NOL11: variants seen among roughly 807,000 people sequenced by gnomAD.
NOL11 encodes nucleolar protein 11.
NOL11 carries 42 observed loss-of-function variants against 93.0 expected under a neutral mutation model. The observed-to-expected ratio is 0.45, with a 90% confidence interval of 0.35 to 0.58. The LOEUF (loss-of-function observed/expected upper bound fraction) is 0.58, where lower values mean the gene tolerates loss of function less well. NOL11 is among the 20% of genes least tolerant of loss of function. The probability of loss-of-function intolerance (pLI) is 0.00; values close to 1 mark genes in which losing one functional copy is unlikely to be tolerated. For synonymous variants in NOL11, 296 were observed against 293.7 expected (o/e 1.01, Z -0.08); for missense variants, 775 against 841.8 (o/e 0.92, Z 0.98).
Position 67,737,661 on chromosome 17 carries a change from C to A in NOL11, c.1372C>A (p.Gln458Lys). ...PSFYPRNCLM[Q>K]LIQTHVLSYS... Reference sequence around the variant, plus strand: ...ATTTTATCCCCGGAACTGTCTGATGCAGCTTATCCAAACGCATGTGCTTTC... The same window carrying A: ...ATTTTATCCCCGGAACTGTCTGATGAAGCTTATCCAAACGCATGTGCTTTC... Residue 458 changes from glutamine to lysine, a missense_variant, in exon 12 of 18, where the codon CAG (glutamine) becomes AAG (lysine). Transcript: ENST00000253247. The A allele has an allele frequency of 6.2e-7, 1 of 1,613,712 alleles. No individual in the cohort carries two copies. The highest frequency in any genetic ancestry group is 8.5e-7 in the Non-Finnish European group (1 of 1,179,872).
rs371445594 is a variant in NOL11 at position 67,743,629 on chromosome 17, G to A, written c.2043+43G>A. The A allele has an allele frequency of 1.1e-5, 14 of 1,285,246 alleles. No homozygotes were observed. The African/African-American group carries it at 2.1e-4, about 19-fold the overall frequency. The allele number at this position is 1,285,246 out of a possible 1,614,324, so 79.6% of individuals were successfully genotyped here. A position where few individuals can be genotyped will look rare whatever the true frequency, so the allele number is the denominator to read the frequency against. ...ATATACTGATTTTATTTGTACCCAAGTATCACCTGAATTACAATTATTCTT... is the reference window on the plus strand; with the variant it reads ...ATATACTGATTTTATTTGTACCCAAATATCACCTGAATTACAATTATTCTT... On this transcript the variant is annotated intron_variant, in intron 17 of 17. Transcript: ENST00000253247.
chr17:67,726,797 T>C (rs1010199215), intron 7 of NOL11, 149 bp downstream of exon 7: 2 of 541,774 alleles, frequency 3.7e-6, no homozygotes, highest in Admixed American at 7.8e-5. Context: ...CCTTCCTAAT[T>C]CTTCTTGAAT....
intron 6 of NOL11, among the ~76,000 whole-genome samples, chr17:67,725,212 C>T (rs1014881290): frequency 6.6e-6 from 1 of 152,118 alleles, no homozygotes; most frequent in African/African-American, 2.4e-5. Context: ...CATTGAATGG[C>T]CCCTCTGCTC....
Position 67,722,589 on chromosome 17 carries a change from G to A in NOL11, c.471G>A (p.Lys157=). 1 of 1,572,402 alleles carries A rather than the reference G, an allele frequency of 6.4e-7. No individual in the cohort carries two copies. Among genetic ancestry groups the A allele is most frequent in the Non-Finnish European group, 8.6e-7 (1 of 1,166,936 alleles). ...TTTTCTTTTTTTGTAGATGGACAAA[G>A]TTTTTCGTAGTATTCAGACATCCTG... ...ISDEEVIKWT[K]FFVVFRHPVL... The change falls in exon 5 of 18, where the codon AAG becomes AAA. Residue 157 remains lysine, a synonymous_variant. Transcript: ENST00000253247.
chr17:67,734,358 T>C lies in NOL11; in HGVS notation c.854-5T>C. The C allele has an allele frequency of 6.4e-7, 1 of 1,553,350 alleles. No homozygotes were observed. The highest frequency in any genetic ancestry group is 8.9e-7 in the Non-Finnish European group (1 of 1,127,268). ...TTTTTTCTGAATTTATGTCTTATTT[T>C]ATAGAATGCCTCTCTGTATGGAACA... On this transcript the variant is annotated splice_polypyrimidine_tract_variant and splice_region_variant and intron_variant, in intron 7 of 17. Transcript: ENST00000253247.
At chr17:67,726,806 A>G in intron 7 of NOL11, 158 bp downstream of exon 7, 1 of 514,470 alleles carries the variant, frequency 1.9e-6, no homozygotes, top group Non-Finnish European at 3.3e-6. Flanking sequence ...TTCTTCTTGA[A>G]TTGGTTTTTA....
intron 7 of NOL11, among the ~76,000 whole-genome samples, chr17:67,732,044 G>A (rs910125931): frequency 4.6e-5 from 7 of 152,206 alleles, no homozygotes; most frequent in African/African-American, 1.7e-4. Context: ...AACTGAGCCT[G>A]TAGGTTGCTT....
chr17:67,738,209 G>T lies in NOL11; in HGVS notation c.1617G>T (p.Met539Ile), dbSNP rs753584336. 6.2e-7 allele frequency: 1 copy of T among 1,613,056 alleles called. No individual in the cohort carries two copies. The highest frequency in any genetic ancestry group is 1.1e-5 in the South Asian group (1 of 91,044). ...YSINSVHDEK[M>I]EEQTEILQNG... ...TAAATTCTGTACATGATGAGAAAAT[G>T]GAAGAGCAAACTGAAATTCTTCAAA... The change falls in exon 14 of 18, where the codon ATG (methionine) becomes ATT (isoleucine). Residue 539 changes from methionine to isoleucine, a missense_variant. Coordinates refer to ENST00000253247, the MANE Select transcript of NOL11 (RefSeq NM_015462.5).
intron 6 of NOL11, among the ~76,000 whole-genome samples, chr17:67,726,120 A>G (rs369135358): frequency 6.6e-6 from 1 of 152,294 alleles, no homozygotes; most frequent in African/African-American, 2.4e-5. Context: ...TAACGTATAG[A>G]CCAGATGCTA....
chr17:67,736,845 T>C (rs768395673), intron 10 of NOL11, 91 bp downstream of exon 10: 6 of 945,808 alleles, frequency 6.3e-6, no homozygotes, highest in Non-Finnish European at 9.7e-6. Flanking sequence ...TCCTTACAAC[T>C]CTTAGAGCTT....
chr17:67,743,474 T>G lies in NOL11; in HGVS notation c.1936-5T>G. ...TCTTAACTTCCTTTTCCTATTCATC[T>G]TCAGATTATGGATTGGATATGTCTA... On this transcript the variant is annotated splice_region_variant and splice_polypyrimidine_tract_variant and intron_variant, in intron 16 of 17. Coordinates refer to ENST00000253247, the MANE Select transcript of NOL11 (RefSeq NM_015462.5). The G allele has an allele frequency of 7.4e-7, 1 of 1,347,342 alleles. No individual in the cohort carries two copies. Among genetic ancestry groups the G allele is most frequent in the East Asian group, 2.3e-5 (1 of 42,954 alleles). 83.5% of individuals were successfully genotyped at this position (1,347,342 alleles called of 1,614,324 possible).
intron 1 of NOL11, 183 bp from the exon 2 acceptor site, chr17:67,719,491 C>T (rs1396468075): frequency 4.8e-6 from 2 of 418,620 alleles, no homozygotes; most frequent in Non-Finnish European, 8.8e-6. Flanking sequence ...GAACTCCTGA[C>T]CTCGTGATTT....
intron 4 of NOL11, 81 bp from the exon 5 acceptor site, chr17:67,722,499 T>G (rs1026464892): frequency 1.3e-6 from 2 of 1,492,502 alleles, no homozygotes; most frequent in Non-Finnish European, 1.8e-6. Context: ...TAATGAAAAC[T>G]TTGATTAAAT....
intron 7 of NOL11, among the ~76,000 whole-genome samples, chr17:67,729,730 C>A (rs2055134198): frequency 6.6e-6 from 1 of 151,908 alleles, no homozygotes; most frequent in Non-Finnish European, 1.5e-5. Flanking sequence ...AGGCGCCCAC[C>A]ACCACGCCTG....
At chr17:67,735,213 C>T (rs2055190090) in intron 8 of NOL11, among the ~76,000 whole-genome samples, 1 of 152,022 alleles carries the variant, frequency 6.6e-6, no homozygotes, top group Admixed American at 6.6e-5. Flanking sequence ...GCAAGGTGCA[C>T]AGTAAGTTTT....
At chr17:67,728,457 C>G (rs1324594194) in intron 7 of NOL11, among the ~76,000 whole-genome samples, 2 of 152,118 alleles carry the variant, frequency 1.3e-5, no homozygotes, top group Non-Finnish European at 2.9e-5. Flanking sequence ...CAGGTGAACT[C>G]TGTTAAGCCA....
In NOL11 at chr17:67,738,150, G is replaced by A; in HGVS notation, c.1558G>A (p.Asp520Asn). Residue 520 changes from aspartate to asparagine, a missense_variant, in exon 14 of 18, where the codon GAT becomes AAT. This residue lies in a region of NOL11 where 416 missense variants were observed against 525.2 expected (regional missense o/e 0.79). Coordinates refer to ENST00000253247, the MANE Select transcript of NOL11 (RefSeq NM_015462.5). The stretch of plus-strand genomic sequence containing the variant: ...TGGTGATGACAGTCTTCAAGAAACA[G>A]ATGTTAATATGGAGTCAGTTTTTGA... The part of the protein sequence containing the change: ...SIGDDSLQET[D>N]VNMESVFDYS... 6.2e-7 allele frequency: 1 copy of A among 1,611,804 alleles called. No individual in the cohort carries two copies. The highest frequency in any genetic ancestry group is 8.5e-7 in the Non-Finnish European group (1 of 1,178,556).
chr17:67,740,212 G>A (rs1178081202), intron 16 of NOL11, among the ~76,000 whole-genome samples: 2 of 151,262 alleles, frequency 1.3e-5, no homozygotes, highest in South Asian at 2.1e-4. Context: ...TCCAGTCTGG[G>A]CAACAAGCAA....
At chr17:67,729,643 A>G (rs1427563053) in intron 7 of NOL11, among the ~76,000 whole-genome samples, 1 of 151,910 alleles carries the variant, frequency 6.6e-6, no homozygotes. Context: ...CAGTTGCGCA[A>G]TCTCGGCTCA....
Sources: gnomAD v4.1 joint callset for allele counts (sites outside exome capture counted in the v4.1 genomes callset) on GRCh38, gnomAD v4.1.1 for gene constraint, gnomAD v4.1.1 regional missense constraint, MANE v1.5 for transcripts, NCBI Gene and HGNC (gene_info 2026-07-23, HGNC 2026-07-21) for gene names.